KLF16: variants seen among roughly 807,000 people sequenced by gnomAD.
KLF16 encodes Krueppel-like factor 16.
A neutral mutation model predicts 6.1 loss-of-function variants in KLF16; 6 were observed. The ratio of observed to expected loss-of-function variants is 0.98; its 90% CI spans 0.54 to 1.93. The LOEUF (loss-of-function observed/expected upper bound fraction) is 1.93, where lower values mean the gene tolerates loss of function less well. Among genes scored for constraint, KLF16 ranks in the 30% most tolerant of loss-of-function variants. KLF16 has a pLI of 0.01. For synonymous variants in KLF16, 211 were observed against 176.5 expected (o/e 1.20, Z -1.55); for missense variants, 355 against 363.8 (o/e 0.98, Z 0.20).
At chr19:1,866,404 A>T (rs1218932675), upstream of KLF16, among the ~76,000 whole-genome samples, 1 of 152,094 alleles carries the variant, frequency 6.6e-6, no homozygotes, top group Non-Finnish European at 1.5e-5. Flanking sequence ...TGAGGTCGAG[A>T]GTTCGAGACC....
intron 1 of KLF16, among the ~76,000 whole-genome samples, chr19:1,859,692 T>C (rs1238266551): frequency 6.6e-6 from 1 of 151,972 alleles, no homozygotes; most frequent in East Asian, 1.9e-4. Flanking sequence ...AGCATCCCTG[T>C]TGCCACCCCC....
chr19:1,863,904 A>C (rs2145371436), upstream of KLF16, among the ~76,000 whole-genome samples: 1 of 145,436 alleles, frequency 6.9e-6, no homozygotes, highest in African/African-American at 2.5e-5. Flanking sequence ...CTAGGGTGCA[A>C]GGCCGGGAGC....
intron 1 of KLF16, among the ~76,000 whole-genome samples, chr19:1,861,234 T>C (rs1343699395): frequency 2.0e-5 from 3 of 152,050 alleles, no homozygotes; most frequent in Non-Finnish European, 2.9e-5. Context: ...GGCCATCCCG[T>C]CCACTTAACC....
chr19:1,854,866 T>C (rs2011916106), intron 1 of KLF16, 106 bp from the exon 2 acceptor site: 10 of 1,235,538 alleles, frequency 8.1e-6, no homozygotes, highest in Non-Finnish European at 1.0e-5. Context: ...CCCGTGCCGT[T>C]TTAGAGGCTG....
chr19:1,862,313 G>A (rs2012082128), intron 1 of KLF16, among the ~76,000 whole-genome samples: 1 of 152,192 alleles, frequency 6.6e-6, no homozygotes, highest in Non-Finnish European at 1.5e-5. Flanking sequence ...TGTAGCCGAA[G>A]CGCTCCAACT....
At chr19:1,873,960 T>TG in the KLF16 span, among the ~76,000 whole-genome samples, 1 of 152,250 alleles carries the variant, frequency 6.6e-6, no homozygotes, top group African/African-American at 2.4e-5. Context: ...AGAATGGGGC[T>TG]GCCTGAAACC....
At position 1,857,231 on chromosome 19, in the gene KLF16, C is replaced by T. The variant is rs1308003603; in HGVS notation, c.458-2471G>A. ...CACCCACGCTGCGCTGGGCGAAGCG[C>T]CTCTGCGAAATGCCAGGCCCTGCCT... On this transcript the variant is annotated intron_variant, in intron 1 of 1. Coordinates refer to ENST00000250916, the MANE Select transcript of KLF16 (RefSeq NM_031918.4). The surrounding 1 kb of genome is among the most constrained non-coding windows in gnomAD (Gnocchi z 4.7). Among the ~76,000 whole-genome samples the T allele has an allele frequency of 2.0e-5, 3 of 152,228 alleles. No homozygotes were observed. Among genetic ancestry groups the T allele is most frequent in the African/African-American group, 7.2e-5 (3 of 41,460 alleles).
At chr19:1,855,455 C>T in intron 1 of KLF16, among the ~76,000 whole-genome samples, 1 of 151,908 alleles carries the variant, frequency 6.6e-6, no homozygotes, top group Non-Finnish European at 1.5e-5. Context: ...AGGGGCGGGG[C>T]CCGGCGGGCT....
chr19:1,871,138 G>C, the KLF16 span, among the ~76,000 whole-genome samples: 1 of 152,238 alleles, frequency 6.6e-6, no homozygotes, highest in African/African-American at 2.4e-5. Flanking sequence ...GAATCAGGCA[G>C]AACCGTCAGT....
rs751308797 is a variant in KLF16 at position 1,863,192 on chromosome 19, G to A, written c.306C>T (p.Ser102=). 7.7e-6 allele frequency: 9 copies of A among 1,169,838 alleles called. No individual in the cohort carries two copies. The Admixed American group carries it at 2.5e-4, about 32-fold the overall frequency. The allele number at this position is 1,169,838 out of a possible 1,614,324, so 72.5% of individuals were successfully genotyped here. A position where few individuals can be genotyped will look rare whatever the true frequency, so the allele number is the denominator to read the frequency against. ...GAAPGGASPA[S]SSSAASSPSS... ...ACGGGGACGAGGCGGCTGAGGAGGA[G>A]GAGGCGGGCGAGGCGCCCCCCGGGG... is the stretch of plus-strand genomic sequence containing the variant. Residue 102 remains serine (S), a synonymous_variant, in exon 1 of 2, where the codon TCC becomes TCT. Coordinates refer to ENST00000250916, the MANE Select transcript of KLF16 (RefSeq NM_031918.4).
At chr19:1,864,570 G>A (rs2012153052), upstream of KLF16, among the ~76,000 whole-genome samples, 1 of 151,838 alleles carries the variant, frequency 6.6e-6, no homozygotes, top group Admixed American at 6.5e-5. Context: ...AGAGGGGGCC[G>A]AACGCAAAGG....
At chr19:1,864,739 C>G (rs529111471), upstream of KLF16, among the ~76,000 whole-genome samples, 6 of 152,308 alleles carry the variant, frequency 3.9e-5, no homozygotes, top group African/African-American at 1.4e-4. Flanking sequence ...GCGAGGACGT[C>G]CAGGCCAACT....
chr19:1,874,004 C>A, the KLF16 span, among the ~76,000 whole-genome samples: 1 of 152,248 alleles, frequency 6.6e-6, no homozygotes, highest in Non-Finnish European at 1.5e-5. Context: ...ATATCCACAG[C>A]CCGCAGGGAG....
At chr19:1,871,777 C>G in the KLF16 span, among the ~76,000 whole-genome samples, 1 of 152,018 alleles carries the variant, frequency 6.6e-6, no homozygotes, top group Admixed American at 6.5e-5. Context: ...CGAGGTCACC[C>G]TGCTGGCCGA....
the KLF16 span, among the ~76,000 whole-genome samples, chr19:1,868,759 T>C: frequency 6.6e-6 from 1 of 151,766 alleles, no homozygotes; most frequent in African/African-American, 2.4e-5. Flanking sequence ...TCTCCAGCCT[T>C]GGCTTCCCGA....
chr19:1,871,297 C>A, the KLF16 span, among the ~76,000 whole-genome samples: 1 of 152,192 alleles, frequency 6.6e-6, no homozygotes, highest in Non-Finnish European at 1.5e-5. Flanking sequence ...GTGGAAGCCA[C>A]CTCCGGACAG....
At position 1,854,410 on chromosome 19, in the gene KLF16, C is replaced by T. The variant is rs530789976; in HGVS notation, c.*49G>A. ...GCTCCCCGTGGGTCCTCACTACACC[C>T]CTGGATGGCAGAAGCATCCTGGCGG... On this transcript the variant is annotated 3_prime_UTR_variant, in exon 2 of 2. Coordinates refer to ENST00000250916, the MANE Select transcript of KLF16 (RefSeq NM_031918.4). 17 of 1,387,714 alleles carry T rather than the reference C, an allele frequency of 1.2e-5. No individual in the cohort carries two copies. Among genetic ancestry groups the T allele is most frequent in the Middle Eastern group, 2.7e-4 (1 of 3,742 alleles). The allele number at this position is 1,387,714 out of a possible 1,614,324, so 86.0% of individuals were successfully genotyped here. A position where few individuals can be genotyped will look rare whatever the true frequency, so the allele number is the denominator to read the frequency against.
chr19:1,868,895 A>T, the KLF16 span, among the ~76,000 whole-genome samples: 1 of 152,068 alleles, frequency 6.6e-6, no homozygotes, highest in South Asian at 2.1e-4. Flanking sequence ...CACCCACCTC[A>T]GCCTCCCAAA....
In KLF16 at chr19:1,854,335, A is replaced by AG. The variant is rs1256877092; in HGVS notation, c.*123dup. ...CTCAGGCCCCCTCCTCACTCTCTGG[A>AG]GGGGGGCAGGGGTGTCTTCAGGGTT... is the stretch of plus-strand genomic sequence containing the variant. On this transcript the variant is annotated 3_prime_UTR_variant, in exon 2 of 2. Transcript: ENST00000250916. 9.3e-6 allele frequency: 11 copies of AG among 1,188,782 alleles called. No individual in the cohort carries two copies. Among genetic ancestry groups the AG allele is most frequent in the Non-Finnish European group, 1.2e-5 (11 of 917,662 alleles). 73.6% of individuals were successfully genotyped at this position (1,188,782 alleles called of 1,614,324 possible).
Sources: gnomAD v4.1 joint callset for allele counts (sites outside exome capture counted in the v4.1 genomes callset) on GRCh38, gnomAD v4.1.1 for gene constraint, Gnocchi (gnomAD v3.1) non-coding constraint, MANE v1.5 for transcripts, NCBI Gene and HGNC (gene_info 2026-07-23, HGNC 2026-07-21) for gene names.